CHSY3: variants seen among roughly 807,000 people sequenced by gnomAD.
The protein encoded by CHSY3 is N-acetylgalactosaminyl-proteoglycan 3-beta-glucuronosyltransferase 3.
Under a neutral mutation model 67.2 loss-of-function variants are expected in CHSY3, and 35 were observed. The observed-to-expected ratio is 0.52, with a 90% CI of 0.40 to 0.69. The LOEUF is 0.69. CHSY3 is among the 30% of genes least tolerant of loss of function. The pLI is 0.00. For missense variants in CHSY3, 1,069 were observed against 1,138.5 expected, an observed-to-expected ratio of 0.94 and a Z score of 0.88; for synonymous variants, 474 against 434.7, an observed-to-expected ratio of 1.09 and a Z score of -1.12.
chr5:130,128,100 A>C (rs1328048043), intron 2 of CHSY3, among the ~76,000 whole-genome samples: 1 of 152,168 alleles, frequency 6.6e-6, no homozygotes, highest in African/African-American at 2.4e-5. Flanking sequence ...AACAATGAAC[A>C]CATACTGAGT....
intron 2 of CHSY3, among the ~76,000 whole-genome samples, chr5:130,157,579 A>G (rs998573250): frequency 1.3e-5 from 2 of 152,230 alleles, no homozygotes; most frequent in Non-Finnish European, 2.9e-5. Flanking sequence ...TCTATGGGTC[A>G]CATCTGTCTA....
At chr5:129,914,804 G>T (rs1489477352) in intron 2 of CHSY3, among the ~76,000 whole-genome samples, 1 of 152,166 alleles carries the variant, frequency 6.6e-6, no homozygotes, top group Non-Finnish European at 1.5e-5. Context: ...CACCTAAATT[G>T]TGACAATTTA....
At chr5:130,032,976 C>T (rs1764744863) in intron 2 of CHSY3, among the ~76,000 whole-genome samples, 1 of 152,226 alleles carries the variant, frequency 6.6e-6, no homozygotes, top group Non-Finnish European at 1.5e-5. Context: ...TCCGTCATAC[C>T]AGTCTTGCTC....
At chr5:130,127,347 G>T (rs1347613745) in intron 2 of CHSY3, among the ~76,000 whole-genome samples, 3 of 152,112 alleles carry the variant, frequency 2.0e-5, no homozygotes, top group Non-Finnish European at 4.4e-5. Flanking sequence ...AAAACAACCT[G>T]CAAGTGAAGA....
At chr5:130,054,142 T>C (rs1283647678) in intron 2 of CHSY3, among the ~76,000 whole-genome samples, 1 of 152,214 alleles carries the variant, frequency 6.6e-6, no homozygotes, top group Non-Finnish European at 1.5e-5. Flanking sequence ...GTATTTTTAA[T>C]AGCTTCTGGG....
intron 2 of CHSY3, among the ~76,000 whole-genome samples, chr5:130,003,753 G>A (rs530414393): frequency 1.3e-5 from 2 of 152,190 alleles, no homozygotes; most frequent in South Asian, 2.1e-4. Flanking sequence ...TAGTTTTCTC[G>A]AAATTTTCTG....
chr5:130,169,165 A>G (rs1320660809), intron 2 of CHSY3, among the ~76,000 whole-genome samples: 1 of 152,044 alleles, frequency 6.6e-6, no homozygotes, highest in Admixed American at 6.6e-5. Flanking sequence ...TTCAGCATCT[A>G]CTGTATACAC....
chr5:129,913,231 C>T (rs1320104041), intron 2 of CHSY3, among the ~76,000 whole-genome samples: 1 of 152,126 alleles, frequency 6.6e-6, no homozygotes, highest in Non-Finnish European at 1.5e-5. Flanking sequence ...TTGTAAGACT[C>T]TTCTTTCACG....
intron 2 of CHSY3, chr5:130,001,368 TTCC>T: frequency 2.3e-6 from 2 of 866,322 alleles, no homozygotes; most frequent in Non-Finnish European, 2.8e-6. Flanking sequence ...AAAATTCTTC[TTCC>T]TCCTACTCTT....
intron 2 of CHSY3, among the ~76,000 whole-genome samples, chr5:130,157,171 A>G (rs1769395839): frequency 1.3e-5 from 2 of 152,218 alleles, no homozygotes; most frequent in East Asian, 1.9e-4. Context: ...GACAGCAAGC[A>G]CATCATGTTT....
intron 2 of CHSY3, among the ~76,000 whole-genome samples, chr5:130,132,344 C>G (rs1417353421): frequency 6.6e-6 from 1 of 152,098 alleles, no homozygotes; most frequent in East Asian, 1.9e-4. Context: ...TATCATGAAA[C>G]TAAAACTACC....
intron 2 of CHSY3, among the ~76,000 whole-genome samples, chr5:130,102,431 AC>A (rs1295755130): frequency 1.3e-5 from 2 of 152,014 alleles, no homozygotes; most frequent in African/African-American, 4.8e-5. Context: ...TAATTTGAAA[AC>A]CTTACTGGTA....
At chr5:130,020,440 TATATATATATATATATA>T (rs1296707207) in intron 2 of CHSY3, among the ~76,000 whole-genome samples, 1,476 of 18,134 alleles carry the variant, frequency 0.081, 75 homozygotes, top group Non-Finnish European at 0.094. Context: ...TATATATATA[TATATATATATATATATA>T]TATATTTTTT....
At chr5:130,159,174 T>C in intron 2 of CHSY3, among the ~76,000 whole-genome samples, 1 of 147,880 alleles carries the variant, frequency 6.8e-6, no homozygotes, top group East Asian at 2.0e-4. Flanking sequence ...TTTTTTTTTT[T>C]TTTTTTTTGA....
intron 2 of CHSY3, among the ~76,000 whole-genome samples, chr5:130,127,370 T>C (rs1768327712): frequency 6.6e-6 from 1 of 152,150 alleles, no homozygotes; most frequent in African/African-American, 2.4e-5. Context: ...CATATCCTCC[T>C]GTAAAATCTG....
intron 2 of CHSY3, among the ~76,000 whole-genome samples, chr5:130,082,780 A>C (rs1195229208): frequency 6.6e-6 from 1 of 151,972 alleles, no homozygotes; most frequent in Non-Finnish European, 1.5e-5. Flanking sequence ...TCACAGTGAC[A>C]GAAATGGAGT....
chr5:130,023,181 A>G (rs1764442020), intron 2 of CHSY3, among the ~76,000 whole-genome samples: 1 of 151,962 alleles, frequency 6.6e-6, no homozygotes, highest in Non-Finnish European at 1.5e-5. Context: ...ATCTATACAG[A>G]TGAGTGTATA....
At chr5:130,018,009 G>T (rs1216946942) in intron 2 of CHSY3, among the ~76,000 whole-genome samples, 1 of 152,116 alleles carries the variant, frequency 6.6e-6, no homozygotes, top group Non-Finnish European at 1.5e-5. Context: ...CCACTGTCTG[G>T]TAATCTGATG....
At chr5:130,119,434 A>G (rs1337242858) in intron 2 of CHSY3, among the ~76,000 whole-genome samples, 1 of 152,088 alleles carries the variant, frequency 6.6e-6, no homozygotes, top group African/African-American at 2.4e-5. Context: ...GTTTCTTTGT[A>G]TGCTTGATTC....
Sources: allele counts gnomAD v4.1 joint callset (sites outside exome capture counted in the v4.1 genomes callset), GRCh38; gene constraint gnomAD v4.1.1; transcripts MANE v1.5; gene names NCBI Gene and HGNC (gene_info 2026-07-23, HGNC 2026-07-21).